The following ZNF483 variants were observed in gnomAD, a reference collection of about 807,000 sequenced individuals.
The protein encoded by ZNF483 is zinc finger protein HIT-10.
A neutral mutation model predicts 28.6 loss-of-function variants in ZNF483; 9 were observed. The observed-to-expected ratio is 0.32, with a 90% CI of 0.19 to 0.55. The LOEUF (loss-of-function observed/expected upper bound fraction) is 0.55, where lower values mean the gene tolerates loss of function less well. Among genes scored for constraint, ZNF483 ranks in the 20% least tolerant of loss-of-function variants. The pLI is 0.93. For synonymous variants in ZNF483, 322 were observed against 306.2 expected (o/e 1.05, Z -0.54); for missense variants, 675 against 871.7 (o/e 0.77, Z 2.84).
intron 5 of ZNF483, chr9:111,575,466 T>G (rs967184163): frequency 6.6e-6 from 1 of 152,218 alleles, no homozygotes; most frequent in Non-Finnish European, 1.5e-5. Flanking sequence ...AAAAGGTGTA[T>G]AGAGAACAAA....
At chr9:111,567,359 T>C (rs1828610107) in intron 5 of ZNF483, among the ~76,000 whole-genome samples, 1 of 152,164 alleles carries the variant, frequency 6.6e-6, no homozygotes, top group South Asian at 2.1e-4. Context: ...AGCTAATTTT[T>C]GTATTTTTAG....
At chr9:111,557,048 G>A (rs1417214844), downstream of ZNF483, among the ~76,000 whole-genome samples, 1 of 152,160 alleles carries the variant, frequency 6.6e-6, no homozygotes, top group Non-Finnish European at 1.5e-5. Context: ...GGGCTGCCGC[G>A]AAGATCTCTG....
rs1484265787 is a variant in ZNF483 at position 111,527,825 on chromosome 9, A to C, written c.412+18A>C. ...AGAAAAAGGTGAGATTTATAGATGG[A>C]GGGAGGAAGCGGGAGACATTGCCTC... On this transcript the variant is annotated intron_variant, in intron 2 of 5. Transcript: ENST00000309235. The C allele has an allele frequency of 6.2e-7, 1 of 1,614,112 alleles. No individual in the cohort carries two copies. The highest frequency in any genetic ancestry group is 8.5e-7 in the Non-Finnish European group (1 of 1,180,046).
rs1403263289 is a variant in ZNF483 at position 111,547,901 on chromosome 9, A to G, written c.*4731A>G. ...AGAGACTATCCTTTCCACATCATGT[A>G]TTCTTTGCACTCTTGTCAAAGATCA... is the stretch of plus-strand genomic sequence containing the variant. On this transcript the variant is annotated 3_prime_UTR_variant, in exon 6 of 6. Transcript: ENST00000309235. Among the ~76,000 whole-genome samples, 1 of 152,148 alleles carries G rather than the reference A, an allele frequency of 6.6e-6. No homozygotes were observed. Among genetic ancestry groups the G allele is most frequent in the East Asian group, 1.9e-4 (1 of 5,194 alleles).
chr9:111,533,749 C>T lies in ZNF483; in HGVS notation c.512C>T (p.Thr171Ile). 6.4e-7 allele frequency: 1 copy of T among 1,568,016 alleles called. No homozygotes were observed. The highest frequency in any genetic ancestry group is 8.6e-7 in the Non-Finnish European group (1 of 1,166,458). Residue 171 changes from threonine to isoleucine, a missense_variant, in exon 4 of 6, where the codon ACA (threonine) becomes ATA (isoleucine). Thr to Ile is a moderately conservative substitution (Grantham distance 89). Around this residue, in one of 6 missense-constraint regions of ZNF483, gnomAD observed 525 missense variants for 581.8 expected, o/e 0.90. Transcript: ENST00000309235. ...TGTTTGGTGTTCTAGGAATCTATAA[C>T]ATTGAAGGATGTAGCTGTGAACTTT... ...CPNTESCESI[T>I]LKDVAVNFSR...
rs996251772 is a variant in ZNF483, at chr9:111,563,455, C to T, written c.722-12910C>T. On this transcript the variant is annotated intron_variant, in intron 5 of 5. Transcript: ENST00000358151. ...ACACCTAAGAAGAAATAATAGGTGT[C>T]GGATCATAGTGCGAAATGTCATAAG... The T allele has an allele frequency of 6.0e-4, 245 of 411,352 alleles. 1 individual carries two copies. Among genetic ancestry groups the T allele is most frequent in the African/African-American group, 4.5e-3 (221 of 49,596 alleles). 25.5% of individuals were successfully genotyped at this position (411,352 alleles called of 1,614,324 possible).
At chr9:111,557,439 T>C (rs1828156606), downstream of ZNF483, among the ~76,000 whole-genome samples, 1 of 61,648 alleles carries the variant, frequency 1.6e-5, no homozygotes, top group Non-Finnish European at 3.3e-5. Context: ...GGAAAACTCA[T>C]TATCTTTTTT....
Position 111,527,674 on chromosome 9 carries a change from G to T in ZNF483, c.279G>T (p.Glu93Asp). 6.2e-7 allele frequency: 1 copy of T among 1,614,134 alleles called. No individual in the cohort carries two copies. Among genetic ancestry groups the T allele is most frequent in the Non-Finnish European group, 8.5e-7 (1 of 1,180,036 alleles). Reference protein sequence around the residue: ...PDIHTKEQILELLVFEQFLTI... With the variant: ...PDIHTKEQILDLLVFEQFLTI... Reference sequence around the variant, plus strand: ...TTCACACGAAAGAACAGATTTTAGAGCTTCTGGTGTTTGAGCAGTTCCTGA... The same window carrying T: ...TTCACACGAAAGAACAGATTTTAGATCTTCTGGTGTTTGAGCAGTTCCTGA... Residue 93 changes from glutamate to aspartate, a missense_variant, in exon 2 of 6, where the codon GAG becomes GAT. Coordinates refer to ENST00000309235, the MANE Select transcript of ZNF483 (RefSeq NM_133464.5).
At chr9:111,565,574 G>A (rs1589293234) in intron 5 of ZNF483, among the ~76,000 whole-genome samples, 2 of 152,200 alleles carry the variant, frequency 1.3e-5, no homozygotes, top group South Asian at 4.2e-4. Context: ...CAAGGCTGGA[G>A]GACAGTGGCA....
rs762425336 is a variant in ZNF483, at chr9:111,527,386, CT to C, written c.-9del. ...GTGTGAAGGGACTGGATTCCTGCCC[CT>C]GAGACACAATGCAAGCTGTAGTGCC... On this transcript the variant is annotated 5_prime_UTR_variant, in exon 2 of 6. Coordinates refer to ENST00000309235, the MANE Select transcript of ZNF483 (RefSeq NM_133464.5). 2.5e-6 allele frequency: 4 copies of C among 1,610,942 alleles called. No homozygotes were observed. Among genetic ancestry groups the C allele is most frequent in the Non-Finnish European group, 2.5e-6 (3 of 1,178,750 alleles).
chr9:111,550,740 G>GT lies in ZNF483; in HGVS notation c.*7575dup, dbSNP rs527816157. ...AGCTCTACTATTAAATGTTGTGAAT[G>GT]TTTTTATCTCTGCTGTCATATTTTT... On this transcript the variant is annotated 3_prime_UTR_variant, in exon 6 of 6. Transcript: ENST00000309235. Among the ~76,000 whole-genome samples the GT allele has an allele frequency of 1.9e-4, 29 of 152,246 alleles. No homozygotes were observed. The East Asian group carries it at 4.8e-3, about 25-fold the overall frequency.
chr9:111,559,831 G>A (rs145608129), downstream of ZNF483, among the ~76,000 whole-genome samples: 2,633 of 152,196 alleles, frequency 0.017, 52 homozygotes, highest in South Asian at 0.03. Flanking sequence ...AGAGGACACG[G>A]GCAGTGACTT....
At chr9:111,570,787 A>C (rs1041183664) in intron 5 of ZNF483, among the ~76,000 whole-genome samples, 2 of 152,100 alleles carry the variant, frequency 1.3e-5, no homozygotes, top group African/African-American at 4.8e-5. Flanking sequence ...TCAAAAAAAT[A>C]AAAAGAAAAA....
intron 5 of ZNF483, among the ~76,000 whole-genome samples, chr9:111,560,427 T>C (rs1828239850): frequency 7.3e-6 from 1 of 137,390 alleles, no homozygotes; most frequent in Non-Finnish European, 1.5e-5. Context: ...TGAGCCGAGA[T>C]CAGGCCACTG....
chr9:111,549,864 C>G lies in ZNF483; in HGVS notation c.*6694C>G. 1 of 1,019,526 alleles carries G rather than the reference C, an allele frequency of 9.8e-7. No homozygotes were observed. Among genetic ancestry groups the G allele is most frequent in the South Asian group, 1.4e-5 (1 of 70,966 alleles). 63.2% of individuals were successfully genotyped at this position (1,019,526 alleles called of 1,614,324 possible). A position where few individuals can be genotyped will look rare whatever the true frequency, so the allele number is the denominator to read the frequency against. On this transcript the variant is annotated 3_prime_UTR_variant, in exon 6 of 6. Coordinates refer to ENST00000309235, the MANE Select transcript of ZNF483 (RefSeq NM_133464.5). ...TTAAGGCAGTTGCTTTAAAGTCTGTCTAGTGAGTCAATGTTTGGTCTTCCT... is the reference window on the plus strand; with the variant it reads ...TTAAGGCAGTTGCTTTAAAGTCTGTGTAGTGAGTCAATGTTTGGTCTTCCT...
In ZNF483 at chr9:111,541,728, C is replaced by G. The variant is rs1363240818; in HGVS notation, c.793C>G (p.Gln265Glu). 6.2e-7 allele frequency: 1 copy of G among 1,613,900 alleles called. No individual in the cohort carries two copies. Among genetic ancestry groups the G allele is most frequent in the African/African-American group, 1.3e-5 (1 of 74,874 alleles). Residue 265 changes from glutamine to glutamate, a missense_variant, in exon 6 of 6, where the codon CAG becomes GAG. Transcript: ENST00000309235. ...DDDHGLMEES[Q>E]QYCGSSEEDH... The stretch of plus-strand genomic sequence containing the variant: ...TGATCATGGCTTGATGGAAGAATCC[C>G]AGCAATATTGTGGCAGCTCAGAGGA...
Position 111,549,606 on chromosome 9 carries a change from A to C in ZNF483, c.*6436A>C. 2.3e-6 allele frequency: 2 copies of C among 881,660 alleles called. No individual in the cohort carries two copies. Among genetic ancestry groups the C allele is most frequent in the East Asian group, 2.7e-5 (1 of 36,474 alleles). The allele number at this position is 881,660 out of a possible 1,614,324, so 54.6% of individuals were successfully genotyped here. On this transcript the variant is annotated 3_prime_UTR_variant, in exon 6 of 6. Coordinates refer to ENST00000309235, the MANE Select transcript of ZNF483 (RefSeq NM_133464.5). ...GGTCGATAATCTACAAGCTTTGCTAAACCTACCTGTAGCTCTTCTGGGGCA... is the reference window on the plus strand; with the variant it reads ...GGTCGATAATCTACAAGCTTTGCTACACCTACCTGTAGCTCTTCTGGGGCA...
chr9:111,566,353 C>T (rs1249549031), intron 5 of ZNF483, among the ~76,000 whole-genome samples: 1 of 152,196 alleles, frequency 6.6e-6, no homozygotes, highest in Non-Finnish European at 1.5e-5. Context: ...CCAACTGGGA[C>T]AACTTAGATT....
chr9:111,544,058 GA>G lies in ZNF483; in HGVS notation c.*889del, dbSNP rs959923979. ...TTTCCTTGAGGGAGTATTTTAATCG[GA>G]CAAGGGAACTCTTTTTCTTTTGGGC... On this transcript the variant is annotated 3_prime_UTR_variant, in exon 6 of 6. Transcript: ENST00000309235. 2 of 985,226 alleles carry G rather than the reference GA, an allele frequency of 2.0e-6. No individual in the cohort carries two copies. The highest frequency in any genetic ancestry group is 3.5e-5 in the African/African-American group (2 of 57,220). The allele number at this position is 985,226 out of a possible 1,614,324, so 61.0% of individuals were successfully genotyped here.
Sources: gnomAD v4.1 joint callset for allele counts (sites outside exome capture counted in the v4.1 genomes callset) on GRCh38, gnomAD v4.1.1 for gene constraint, gnomAD v4.1.1 regional missense constraint, MANE v1.5 for transcripts, NCBI Gene and HGNC (gene_info 2026-07-23, HGNC 2026-07-21) for gene names.